Variants in ARSD observed in about 807,000 individuals in gnomAD.
ARSD encodes the protein testis tissue sperm-binding protein Li 39a.
In ARSD, 21 loss-of-function variants were observed where a neutral mutation model predicts 32.6. The ratio of observed to expected loss-of-function variants is 0.64; its 90% CI spans 0.46 to 0.93. The LOEUF (loss-of-function observed/expected upper bound fraction) is 0.93. Ranked by LOEUF, ARSD falls within the 40% of genes least tolerant of loss-of-function variation. ARSD has a pLI of 0.00. For synonymous variants in ARSD, 224 were observed against 237.4 expected, an observed-to-expected ratio of 0.94 and a Z score of 0.52; for missense variants, 454 against 520.9, an observed-to-expected ratio of 0.87 and a Z score of 1.25.
At chrX:2,924,736 A>G (rs1384193083) in intron 2 of ARSD, among the ~76,000 whole-genome samples, 4 of 112,254 alleles carry the variant, frequency 3.6e-5, no homozygotes, top group Non-Finnish European at 7.5e-5. Flanking sequence ...ATCCTGGTTT[A>G]GAGAGGGCCC....
intron 5 of ARSD, among the ~76,000 whole-genome samples, chrX:2,916,878 G>A (rs2088965988): frequency 2.7e-5 from 3 of 111,046 alleles, no homozygotes; most frequent in Non-Finnish European, 5.7e-5. Context: ...TATGCTGTTT[G>A]ATCGTTATTC....
chrX:2,917,660 A>G lies in ARSD; in HGVS notation c.863+144T>C. ...GGCTAATGATTTTATTTATTGTAGA[A>G]CCTGTCTTCCTATGTTGCCCAAGCT... is the stretch of plus-strand genomic sequence containing the variant. On this transcript the variant is annotated intron_variant, in intron 5 of 9. Coordinates refer to ENST00000381154, the MANE Select transcript of ARSD (RefSeq NM_001669.4). 1.8e-5 allele frequency: 10 copies of G among 543,362 alleles called. No individual in the cohort carries two copies. The South Asian group carries it at 3.0e-4, about 17-fold the overall frequency. The allele number at this position is 543,362 out of a possible 1,213,427, so 44.8% of individuals were successfully genotyped here. A position where few individuals can be genotyped will look rare whatever the true frequency, so the allele number is the denominator to read the frequency against.
intron 6 of ARSD, among the ~76,000 whole-genome samples, chrX:2,914,977 C>T (rs1227230064): frequency 2.7e-5 from 3 of 111,140 alleles, no homozygotes; most frequent in South Asian, 3.8e-4. Context: ...CAGGCTCAAG[C>T]GATCCTCCTG....
Sources: allele counts gnomAD v4.1 joint callset (sites outside exome capture counted in the v4.1 genomes callset), GRCh38; gene constraint gnomAD v4.1.1; transcripts MANE v1.5; gene names NCBI Gene and HGNC (gene_info 2026-07-23, HGNC 2026-07-21).